ADAMTS7: variants seen among roughly 807,000 people sequenced by gnomAD.
ADAMTS7 encodes the protein ADAM metallopeptidase with thrombospondin type 1 motif 7.
ADAMTS7 carries 89 observed loss-of-function variants against 172.6 expected under a neutral mutation model. The ratio of observed to expected loss-of-function variants is 0.52; its 90% CI spans 0.43 to 0.61. The LOEUF is 0.61. Among genes scored for constraint, ADAMTS7 ranks in the 20% least tolerant of loss-of-function variants. The pLI, the probability that ADAMTS7 is intolerant of heterozygous loss-of-function variation, is 0.00. For missense variants in ADAMTS7, 1,973 were observed against 2,355.6 expected (o/e 0.84, Z 3.36); for synonymous variants, 885 against 978.4 (o/e 0.90, Z 1.78).
At chr15:78,769,726 G>A (rs1322303613) in intron 16 of ADAMTS7, among the ~76,000 whole-genome samples, 1 of 152,250 alleles carries the variant, frequency 6.6e-6, no homozygotes, top group Non-Finnish European at 1.5e-5. Flanking sequence ...ACCCCTGTCT[G>A]TTCCAGCCAC....
chr15:78,767,274 C>G (rs2055172037), intron 18 of ADAMTS7, 105 bp downstream of exon 18: 4 of 1,422,918 alleles, frequency 2.8e-6, no homozygotes, highest in Non-Finnish European at 3.9e-6. Context: ...CTGGAATGCC[C>G]AGGTTCCCTC....
rs185564320 is a variant in ADAMTS7, at chr15:78,796,227, G to A, written c.819+363C>T. Reference sequence around the variant, plus strand: ...TCTGTGTTTCCAGCATCTAGCACAGGTCCTGACACAAAGGAAGGAAGTATC... The same window carrying A: ...TCTGTGTTTCCAGCATCTAGCACAGATCCTGACACAAAGGAAGGAAGTATC... On this transcript the variant is annotated intron_variant, in intron 4 of 23. Coordinates refer to ENST00000388820, the MANE Select transcript of ADAMTS7 (RefSeq NM_014272.5). Among the ~76,000 whole-genome samples, 261 of 152,276 alleles carry A rather than the reference G, an allele frequency of 1.7e-3. 2 individuals carry two copies. Among genetic ancestry groups the A allele is most frequent in the Non-Finnish European group, 3.4e-3 (230 of 68,022 alleles).
intron 1 of ADAMTS7, among the ~76,000 whole-genome samples, chr15:78,809,058 G>C (rs2055832048): frequency 6.6e-6 from 1 of 152,124 alleles, no homozygotes; most frequent in African/African-American, 2.4e-5. Context: ...GGCAGGGTGG[G>C]GGGTAGTATG....
At position 78,764,109 on chromosome 15, in the gene ADAMTS7, G is replaced by A. The variant is rs113911388; in HGVS notation, c.4420-10C>T. ...CGCAGCTGCGGGAGCACTGGGGACC[G>A]AGAGACGTGTATGGACACATCCCCA... On this transcript the variant is annotated splice_polypyrimidine_tract_variant and intron_variant, in intron 20 of 23. Transcript: ENST00000388820. 591 of 1,520,726 alleles carry A rather than the reference G, an allele frequency of 3.9e-4. 4 individuals carry two copies. The African/African-American group carries it at 4.3e-3, about 11-fold the overall frequency. 94.2% of individuals were successfully genotyped at this position (1,520,726 alleles called of 1,614,324 possible).
At chr15:78,810,069 C>T (rs1434277040) in intron 1 of ADAMTS7, among the ~76,000 whole-genome samples, 1 of 152,266 alleles carries the variant, frequency 6.6e-6, no homozygotes, top group Non-Finnish European at 1.5e-5. Flanking sequence ...CCCGCCCAGA[C>T]TACTTTCTCG....
At chr15:78,807,160 G>A (rs973730072) in intron 1 of ADAMTS7, among the ~76,000 whole-genome samples, 4 of 152,214 alleles carry the variant, frequency 2.6e-5, no homozygotes, top group African/African-American at 9.6e-5. Context: ...GGTCAGGGGG[G>A]CACTGATGCC....
intron 16 of ADAMTS7, chr15:78,770,806 T>G: frequency 1.5e-5 from 3 of 206,494 alleles, no homozygotes; most frequent in East Asian, 2.3e-4. Context: ...AGAGTCAGAG[T>G]TAATGAAATT....
chr15:78,764,201 GC>G (rs1281070567), intron 20 of ADAMTS7, 102 bp from the exon 21 acceptor site: 141 of 1,399,044 alleles, frequency 1.0e-4, no homozygotes, highest in Non-Finnish European at 1.2e-4. Flanking sequence ...CCACGCCCCA[GC>G]CCGGGGGAAT....
At chr15:78,773,240 C>T (rs764607793) in intron 13 of ADAMTS7, 37 bp from the exon 14 acceptor site, 15 of 1,388,802 alleles carry the variant, frequency 1.1e-5, no homozygotes, top group Middle Eastern at 2.0e-4. Context: ...CTGGTGCTGG[C>T]GGCCAGCCCT....
At chr15:78,788,114 A>G in intron 8 of ADAMTS7, 117 bp downstream of exon 8, 1 of 1,393,454 alleles carries the variant, frequency 7.2e-7, no homozygotes, top group Non-Finnish European at 9.8e-7. Context: ...TCATGTATCA[A>G]GATCTTGCCC....
chr15:78,774,825 C>T (rs201098015), intron 11 of ADAMTS7, 32 bp from the exon 12 acceptor site: 77 of 1,317,490 alleles, frequency 5.8e-5, no homozygotes, highest in Non-Finnish European at 7.2e-5. Flanking sequence ...GCCCCAGTGA[C>T]GGCCCAGTGA....
At chr15:78,763,516 C>T (rs527862288) in intron 22 of ADAMTS7, among the ~76,000 whole-genome samples, 183 bp downstream of exon 22, 15 of 152,378 alleles carry the variant, frequency 9.8e-5, no homozygotes, top group South Asian at 8.3e-4. Context: ...ACAGCACACG[C>T]GCCCTTTCCT....
rs1022714350 is a variant in ADAMTS7, at chr15:78,811,130, G to A, written c.91C>T (p.Pro31Ser). 8.9e-6 allele frequency: 11 copies of A among 1,229,916 alleles called. No individual in the cohort carries two copies. In the Admixed American group the frequency reaches 1.7e-4, roughly 19 times the overall value. 76.2% of individuals were successfully genotyped at this position (1,229,916 alleles called of 1,614,324 possible). Residue 31 changes from proline (P) to serine (S), a missense_variant, in exon 1 of 24, where the codon CCC becomes TCC. Pro to Ser is a moderately conservative substitution (Grantham distance 74). Around this residue, in one of 8 missense-constraint regions of ADAMTS7, gnomAD observed 306 missense variants for 288.0 expected, o/e 1.06. Transcript: ENST00000388820. ...AGGGGCGGACACCCACCTGGTGCGG[G>A]TCCGGGGGCGCCGGGAGCCAGAGCG... ...LCALAPGAPG[P>S]APGRATEGRA...
chr15:78,771,533 G>A lies in ADAMTS7; in HGVS notation c.2376+52C>T. 1 of 1,555,084 alleles carries A rather than the reference G, an allele frequency of 6.4e-7. No homozygotes were observed. Among genetic ancestry groups the A allele is most frequent in the Non-Finnish European group, 8.7e-7 (1 of 1,155,242 alleles). On this transcript the variant is annotated intron_variant, in intron 15 of 23. Coordinates refer to ENST00000388820, the MANE Select transcript of ADAMTS7 (RefSeq NM_014272.5). The surrounding 1 kb of genome is among the most constrained non-coding windows in gnomAD (Gnocchi z 4.9). The stretch of plus-strand genomic sequence containing the variant: ...CGAGACCTGCCATGGAGGGTGCTGG[G>A]CCTGGGGACTCCGCCTCTGCTCCCC...
In ADAMTS7 at chr15:78,768,367, G is replaced by A. The variant is rs563301802; in HGVS notation, c.2519-108C>T. 693 of 1,482,042 alleles carry A rather than the reference G, an allele frequency of 4.7e-4. 2 individuals are homozygous for A. The African/African-American group carries it at 4.8e-3, about 10-fold the overall frequency. 91.8% of individuals were successfully genotyped at this position (1,482,042 alleles called of 1,614,324 possible). Reference sequence around the variant, plus strand: ...CTCCCAGAACAGCGCCTTACTGCCCGTGTCAGGATGCCTTACTGCCCATGT... The same window carrying A: ...CTCCCAGAACAGCGCCTTACTGCCCATGTCAGGATGCCTTACTGCCCATGT... On this transcript the variant is annotated intron_variant, in intron 16 of 23. Transcript: ENST00000388820.
chr15:78,803,508 A>G (rs1426757780), intron 1 of ADAMTS7, among the ~76,000 whole-genome samples: 1 of 149,104 alleles, frequency 6.7e-6, no homozygotes, highest in East Asian at 2.0e-4. Context: ...GGTGTAGTGC[A>G]GTAGCTCAAT....
At chr15:78,768,023 C>CTGGGGGTGGGGAGTTGGTGGGGGA in intron 17 of ADAMTS7, 110 bp downstream of exon 17, 2 of 286,556 alleles carry the variant, frequency 7.0e-6, no homozygotes, top group African/African-American at 5.5e-5. Flanking sequence ...CCCAGGATGC[C>CTGGGGGTGGGGAGTTGGTGGGGGA]TGGGGGTGGG....
chr15:78,777,570 G>T lies in ADAMTS7; in HGVS notation c.1341C>A (p.Cys447Ter). ...TGTCCTTGGCAGGAGGGTCGTCCAGGCACAGGCCCCACCCACGGCTAAAGA... is the reference window on the plus strand; with the variant it reads ...TGTCCTTGGCAGGAGGGTCGTCCAGTCACAGGCCCCACCCACGGCTAAAGA... ...TRFLDRGWGL[C>*]LDDPPAKDII... The change falls in exon 9 of 24, where the codon TGC becomes TGA. Residue 447 changes from cysteine to a stop codon, truncating the protein, a stop_gained. Transcript: ENST00000388820. LOFTEE classifies it high-confidence loss of function. 1.2e-6 allele frequency: 2 copies of T among 1,606,446 alleles called. No homozygotes were observed. The highest frequency in any genetic ancestry group is 1.7e-6 in the Non-Finnish European group (2 of 1,176,756).
intron 14 of ADAMTS7, among the ~76,000 whole-genome samples, chr15:78,772,818 T>C (rs78190829): frequency 1.2e-5 from 1 of 80,584 alleles, no homozygotes; most frequent in East Asian, 5.2e-4. Flanking sequence ...ACTACCATTC[T>C]TTGGAAGGCC....
Sources: gnomAD v4.1 joint callset for allele counts (sites outside exome capture counted in the v4.1 genomes callset) on GRCh38, gnomAD v4.1.1 for gene constraint, gnomAD v4.1.1 regional missense constraint, Gnocchi (gnomAD v3.1) non-coding constraint, MANE v1.5 for transcripts, NCBI Gene and HGNC (gene_info 2026-07-23, HGNC 2026-07-21) for gene names.